Variants in GRM7 observed in about 807,000 individuals in gnomAD.
The protein encoded by GRM7 is metabotropic glutamate receptor 7.
GRM7 carries 35 observed loss-of-function variants against 84.5 expected under a neutral mutation model. The observed-to-expected ratio is 0.41, with a 90% CI of 0.32 to 0.55. The LOEUF is 0.55. GRM7 is among the 20% of genes least tolerant of loss of function. GRM7 has a pLI of 0.19. For synonymous variants in GRM7, 487 were observed against 455.1 expected, an observed-to-expected ratio of 1.07 and a Z score of -0.89; for missense variants, 1,003 against 1,194.6, an observed-to-expected ratio of 0.84 and a Z score of 2.36.
At chr3:7,699,352 GA>G (rs985304203) in intron 9 of GRM7, among the ~76,000 whole-genome samples, 2 of 152,054 alleles carry the variant, frequency 1.3e-5, no homozygotes, top group Non-Finnish European at 2.9e-5. Flanking sequence ...GTGACAATGG[GA>G]AAAAATAGAA....
intron 9 of GRM7, among the ~76,000 whole-genome samples, chr3:7,727,091 G>A (rs1235718563): frequency 6.6e-6 from 1 of 151,920 alleles, no homozygotes; most frequent in African/African-American, 2.4e-5. Context: ...TTTCAAACAT[G>A]TCCTTTTGTA....
chr3:7,395,332 G>C (rs1356183660), intron 4 of GRM7, among the ~76,000 whole-genome samples: 1 of 152,108 alleles, frequency 6.6e-6, no homozygotes, highest in Non-Finnish European at 1.5e-5. Flanking sequence ...ATGTATTCAA[G>C]TTGGATAGGC....
At chr3:7,711,547 G>A (rs181524570) in intron 9 of GRM7, among the ~76,000 whole-genome samples, 2 of 152,126 alleles carry the variant, frequency 1.3e-5, no homozygotes, top group Admixed American at 6.5e-5. Context: ...TTGGAGTCTC[G>A]TAATCAAGAC....
chr3:7,122,799 A>T (rs1261665300), intron 1 of GRM7, among the ~76,000 whole-genome samples: 3 of 152,230 alleles, frequency 2.0e-5, no homozygotes, highest in Non-Finnish European at 4.4e-5. Context: ...TCAGACACAA[A>T]TAACTTTTCA....
chr3:7,643,899 T>C (rs972313252), intron 8 of GRM7, among the ~76,000 whole-genome samples: 1 of 152,056 alleles, frequency 6.6e-6, no homozygotes, highest in African/African-American at 2.4e-5. Context: ...GTATGTGAGA[T>C]ATGAATAATG....
intron 1 of GRM7, among the ~76,000 whole-genome samples, chr3:6,932,911 T>G (rs930296497): frequency 6.6e-6 from 1 of 151,766 alleles, no homozygotes; most frequent in African/African-American, 2.4e-5. Flanking sequence ...CCTACCACCA[T>G]GCCCGGCTAA....
At chr3:7,636,622 C>T (rs1245651743) in intron 8 of GRM7, among the ~76,000 whole-genome samples, 1 of 152,150 alleles carries the variant, frequency 6.6e-6, no homozygotes, top group Non-Finnish European at 1.5e-5. Context: ...GCATTCAAGA[C>T]AGAAATGTTC....
intron 2 of GRM7, among the ~76,000 whole-genome samples, chr3:7,169,585 A>C (rs1264234026): frequency 2.6e-5 from 4 of 152,218 alleles, no homozygotes; most frequent in Non-Finnish European, 5.9e-5. Context: ...CATAGCGATG[A>C]AGGCAGCTAG....
intron 1 of GRM7, among the ~76,000 whole-genome samples, chr3:7,047,970 G>A (rs1696860227): frequency 6.6e-6 from 1 of 151,938 alleles, no homozygotes; most frequent in East Asian, 1.9e-4. Context: ...GTAATGTTAG[G>A]TATTGACAAT....
chr3:7,470,412 C>T (rs1485380223), intron 7 of GRM7, among the ~76,000 whole-genome samples: 1 of 152,108 alleles, frequency 6.6e-6, no homozygotes, highest in Non-Finnish European at 1.5e-5. Flanking sequence ...GAAACATGTA[C>T]TTGTGTGTAT....
chr3:6,968,797 G>C lies in GRM7; in HGVS notation c.519+106890G>C, dbSNP rs75990708. On this transcript the variant is annotated intron_variant, in intron 1 of 9. Coordinates refer to ENST00000357716, the MANE Select transcript of GRM7 (RefSeq NM_000844.4). ...CATATCTTTCAAGGCATCATGAAAAGTGTCTGAAAGCAAGGCACTTAACCA... is the reference window on the plus strand; with the variant it reads ...CATATCTTTCAAGGCATCATGAAAACTGTCTGAAAGCAAGGCACTTAACCA... Among the ~76,000 whole-genome samples, 792 of 152,238 alleles carry C rather than the reference G, an allele frequency of 5.2e-3. 7 individuals carry two copies. Among genetic ancestry groups the C allele is most frequent in the Non-Finnish European group, 4.5e-3 (304 of 68,032 alleles).
At chr3:7,476,566 A>T (rs1698929716) in intron 7 of GRM7, among the ~76,000 whole-genome samples, 1 of 152,124 alleles carries the variant, frequency 6.6e-6, no homozygotes. Context: ...AAAAAATTTA[A>T]AAAAAGAAAA....
chr3:6,895,781 T>C (rs1289665191), intron 1 of GRM7, among the ~76,000 whole-genome samples: 1 of 152,208 alleles, frequency 6.6e-6, no homozygotes, highest in Non-Finnish European at 1.5e-5. Context: ...ATCTAAGTTA[T>C]CCACATAATA....
chr3:7,126,863 T>C (rs987889194), intron 1 of GRM7, among the ~76,000 whole-genome samples: 1 of 152,196 alleles, frequency 6.6e-6, no homozygotes, highest in African/African-American at 2.4e-5. Flanking sequence ...TTCTTTCTCA[T>C]AGCCAATGAT....
intron 2 of GRM7, among the ~76,000 whole-genome samples, chr3:7,162,729 A>ATTTT (rs71063284): frequency 1.8e-5 from 1 of 54,716 alleles, no homozygotes; most frequent in Non-Finnish European, 3.9e-5. Flanking sequence ...CCCATTTTTC[A>ATTTT]TTTTTTTTTT....
chr3:7,407,240 C>T (rs774259450), intron 4 of GRM7, among the ~76,000 whole-genome samples: 14 of 152,274 alleles, frequency 9.2e-5, no homozygotes, highest in African/African-American at 2.6e-4. Flanking sequence ...ACCCGTTCCA[C>T]GCCCTGTGGA....
rs1192553621 is a variant in GRM7 at position 6,861,344 on chromosome 3, C to A, written c.-45C>A. On this transcript the variant is annotated 5_prime_UTR_variant, in exon 1 of 10. Transcript: ENST00000357716. The surrounding 1 kb of genome is among the most constrained non-coding windows in gnomAD (Gnocchi z 6.4). ...GCCCGGACCTCGGCGAGCCCACCAC[C>A]GTTCCCTCCAGCGCCGCCGCCGCCA... is the stretch of plus-strand genomic sequence containing the variant. 8 of 1,456,928 alleles carry A rather than the reference C, an allele frequency of 5.5e-6. No individual in the cohort carries two copies. The highest frequency in any genetic ancestry group is 2.6e-5 in the East Asian group (1 of 38,912). The allele number at this position is 1,456,928 out of a possible 1,614,324, so 90.3% of individuals were successfully genotyped here.
At chr3:7,463,002 G>C (rs1304286651) in intron 7 of GRM7, among the ~76,000 whole-genome samples, 1 of 149,324 alleles carries the variant, frequency 6.7e-6, no homozygotes, top group African/African-American at 2.5e-5. Context: ...TAAACTCAAG[G>C]TGGGGGAGTA....
At chr3:6,889,609 T>G (rs1024165805) in intron 1 of GRM7, among the ~76,000 whole-genome samples, 2 of 151,986 alleles carry the variant, frequency 1.3e-5, no homozygotes, top group Non-Finnish European at 2.9e-5. Flanking sequence ...ATAACCTTTT[T>G]GATGTGCTGC....
Sources: gnomAD v4.1 joint callset for allele counts (sites outside exome capture counted in the v4.1 genomes callset) on GRCh38, gnomAD v4.1.1 for gene constraint, Gnocchi (gnomAD v3.1) non-coding constraint, MANE v1.5 for transcripts, NCBI Gene and HGNC (gene_info 2026-07-23, HGNC 2026-07-21) for gene names.